Variants in IGF2BP3 observed in about 807,000 individuals in gnomAD.
The protein encoded by IGF2BP3 is insulin like growth factor 2 mRNA binding protein 3, also known as insulin-like growth factor 2 mRNA-binding protein 3.
In IGF2BP3, 9 loss-of-function variants were observed where a neutral mutation model predicts 73.8. That is an observed-to-expected ratio of 0.12 (90% CI 0.07 to 0.21). IGF2BP3 has a LOEUF of 0.21. IGF2BP3 is among the 10% of genes least tolerant of loss of function. The probability of loss-of-function intolerance (pLI) is 1.00; values close to 1 mark genes in which losing one functional copy is unlikely to be tolerated. For synonymous variants in IGF2BP3, 258 were observed against 256.7 expected (o/e 1.01, Z -0.05); for missense variants, 542 against 714.0 (o/e 0.76, Z 2.75).
chr7:23,359,034 C>T (rs1051058930), intron 5 of IGF2BP3, among the ~76,000 whole-genome samples: 1 of 152,208 alleles, frequency 6.6e-6, no homozygotes, highest in African/African-American at 2.4e-5. Flanking sequence ...ATCAAAATGC[C>T]TAATTTATTT....
chr7:23,401,058 A>G (rs1786645575), intron 3 of IGF2BP3, among the ~76,000 whole-genome samples: 4 of 152,144 alleles, frequency 2.6e-5, no homozygotes, highest in Admixed American at 2.6e-4. Flanking sequence ...GCCTCCCCCA[A>G]AGTGCTGGAA....
At chr7:23,322,456 G>C (rs950348484) in intron 10 of IGF2BP3, among the ~76,000 whole-genome samples, 22 of 152,322 alleles carry the variant, frequency 1.4e-4, no homozygotes, top group African/African-American at 5.3e-4. Context: ...TGGTGTACCT[G>C]AAAGTGACGG....
At chr7:23,357,610 C>G (rs1016996778) in intron 5 of IGF2BP3, among the ~76,000 whole-genome samples, 1 of 152,184 alleles carries the variant, frequency 6.6e-6, no homozygotes, top group Non-Finnish European at 1.5e-5. Flanking sequence ...ATAGGTGAGC[C>G]TCTCTCGCTC....
chr7:23,468,833 C>T (rs561251736), intron 1 of IGF2BP3, among the ~76,000 whole-genome samples: 1 of 152,330 alleles, frequency 6.6e-6, no homozygotes, highest in South Asian at 2.1e-4. Context: ...CCACGAGGCC[C>T]GCAAGAGGGA....
intron 3 of IGF2BP3, among the ~76,000 whole-genome samples, chr7:23,394,360 G>A (rs569127446): frequency 1.3e-5 from 2 of 152,156 alleles, no homozygotes; most frequent in Middle Eastern, 3.4e-3. Flanking sequence ...CCAGCTACTC[G>A]GGAAGCTGAG....
chr7:23,412,896 G>A (rs1176910181), intron 3 of IGF2BP3, among the ~76,000 whole-genome samples: 2 of 81,950 alleles, frequency 2.4e-5, no homozygotes, highest in African/African-American at 9.2e-5. Flanking sequence ...GTCTTGCTTT[G>A]TCACCCAGGC....
At chr7:23,392,308 C>T (rs1442131777) in intron 3 of IGF2BP3, among the ~76,000 whole-genome samples, 3 of 151,578 alleles carry the variant, frequency 2.0e-5, no homozygotes, top group Non-Finnish European at 2.9e-5. Flanking sequence ...ACACTTTCTG[C>T]GAACATGTCA....
intron 2 of IGF2BP3, among the ~76,000 whole-genome samples, chr7:23,465,892 C>T (rs773483998): frequency 2.0e-5 from 3 of 152,092 alleles, no homozygotes; most frequent in Non-Finnish European, 4.4e-5. Context: ...ATGTGGTCAC[C>T]CTGATGCCTT....
chr7:23,425,343 C>A (rs1787478139), intron 2 of IGF2BP3, among the ~76,000 whole-genome samples: 1 of 152,164 alleles, frequency 6.6e-6, no homozygotes, highest in Non-Finnish European at 1.5e-5. Flanking sequence ...CCCTTTGTAT[C>A]ATTTTAATAA....
chr7:23,365,232 G>A (rs1193673052), intron 3 of IGF2BP3, among the ~76,000 whole-genome samples: 4 of 152,196 alleles, frequency 2.6e-5, no homozygotes, highest in African/African-American at 9.6e-5. Context: ...CTTGGATGGA[G>A]GCAGGGGTAG....
intron 2 of IGF2BP3, among the ~76,000 whole-genome samples, chr7:23,430,507 G>A (rs184428912): frequency 1.1e-4 from 17 of 152,300 alleles, no homozygotes; most frequent in South Asian, 1.0e-3. Context: ...ACTCTGTACC[G>A]GCTGCAAATT....
chr7:23,468,825 A>G (rs1788632737), intron 1 of IGF2BP3, among the ~76,000 whole-genome samples: 3 of 152,018 alleles, frequency 2.0e-5, no homozygotes, highest in Non-Finnish European at 4.4e-5. Flanking sequence ...CACCAACACC[A>G]CGAGGCCCGC....
chr7:23,313,912 A>G (rs1295317115), intron 12 of IGF2BP3, among the ~76,000 whole-genome samples: 1 of 152,230 alleles, frequency 6.6e-6, no homozygotes, highest in African/African-American at 2.4e-5. Context: ...AAAACAGTTA[A>G]AGGCAATTAA....
intron 10 of IGF2BP3, among the ~76,000 whole-genome samples, chr7:23,332,089 T>A (rs776857294): frequency 6.6e-6 from 1 of 152,100 alleles, no homozygotes; most frequent in Non-Finnish European, 1.5e-5. Context: ...TCCGCCCCCA[T>A]GATCCAATCA....
At chr7:23,388,426 C>T (rs1583976332) in intron 3 of IGF2BP3, among the ~76,000 whole-genome samples, 1 of 152,122 alleles carries the variant, frequency 6.6e-6, no homozygotes, top group South Asian at 2.1e-4. Context: ...TTTTCATACG[C>T]ATATGGAAGT....
At chr7:23,429,963 C>A (rs1319709020) in intron 2 of IGF2BP3, among the ~76,000 whole-genome samples, 1 of 152,150 alleles carries the variant, frequency 6.6e-6, no homozygotes, top group Non-Finnish European at 1.5e-5. Context: ...TGCTTACATA[C>A]AAATCAAGTG....
intron 10 of IGF2BP3, among the ~76,000 whole-genome samples, chr7:23,331,316 A>T (rs1012610980): frequency 6.6e-6 from 1 of 152,238 alleles, no homozygotes; most frequent in Admixed American, 6.5e-5. Flanking sequence ...ACAGAAGTTT[A>T]TGTTTAAAAA....
Position 23,312,811 on chromosome 7 carries a change from A to G in IGF2BP3, c.1565T>C (p.Val522Ala). ...ELQNLSSAEVVVPRDQTPDEN... is the reference protein window; with the variant it reads ...ELQNLSSAEVAVPRDQTPDEN... ...ATCAGGTGTCTGGTCACGAGGGACA[A>G]CAACTTCTGCACTTGACAAATTCTG... The change falls in exon 14 of 15, where the codon GTT (valine) becomes GCT (alanine). Residue 522 changes from valine (V) to alanine (A), a missense_variant. Val to Ala is a moderately conservative substitution (Grantham distance 64). Coordinates refer to ENST00000258729, the MANE Select transcript of IGF2BP3 (RefSeq NM_006547.3). 6.2e-7 allele frequency: 1 copy of G among 1,612,688 alleles called. No individual in the cohort carries two copies. Among genetic ancestry groups the G allele is most frequent in the Admixed American group, 1.7e-5 (1 of 59,630 alleles).
At chr7:23,322,320 A>C in intron 10 of IGF2BP3, among the ~76,000 whole-genome samples, 1 of 152,262 alleles carries the variant, frequency 6.6e-6, no homozygotes, top group Non-Finnish European at 1.5e-5. Context: ...AAAGGGTATC[A>C]GCGATGGAAG....
Sources: gnomAD v4.1 joint callset for allele counts (sites outside exome capture counted in the v4.1 genomes callset) on GRCh38, gnomAD v4.1.1 for gene constraint, MANE v1.5 for transcripts, NCBI Gene and HGNC (gene_info 2026-07-23, HGNC 2026-07-21) for gene names.